Variants in PTPRN2 observed in about 807,000 individuals in gnomAD.
PTPRN2 encodes the protein protein tyrosine phosphatase receptor type N2.
In PTPRN2, 74 loss-of-function variants were observed where a neutral mutation model predicts 118.8. The ratio of observed to expected loss-of-function variants is 0.62; its 90% CI spans 0.52 to 0.76. The LOEUF (loss-of-function observed/expected upper bound fraction) is 0.76. Ranked by LOEUF, PTPRN2 falls within the 30% of genes least tolerant of loss-of-function variation. The pLI, the probability that PTPRN2 is intolerant of heterozygous loss-of-function variation, is 0.00. For synonymous variants in PTPRN2, 641 were observed against 608.0 expected, an observed-to-expected ratio of 1.05 and a Z score of -0.80; for missense variants, 1,481 against 1,394.4, an observed-to-expected ratio of 1.06 and a Z score of -0.99.
chr7:157,998,628 T>C (rs369190732), intron 11 of PTPRN2, among the ~76,000 whole-genome samples: 387 of 152,098 alleles, frequency 2.5e-3, no homozygotes, highest in South Asian at 7.9e-3. Flanking sequence ...ATCGAGACCA[T>C]CCTGGCCAAC....
At chr7:157,965,099 G>A (rs1801827136) in intron 11 of PTPRN2, among the ~76,000 whole-genome samples, 1 of 152,174 alleles carries the variant, frequency 6.6e-6, no homozygotes, top group South Asian at 2.1e-4. Flanking sequence ...TCTCCAGACA[G>A]GGACCTGAAA....
chr7:158,267,605 G>A (rs1337960293), intron 3 of PTPRN2, among the ~76,000 whole-genome samples: 1 of 152,166 alleles, frequency 6.6e-6, no homozygotes, highest in Non-Finnish European at 1.5e-5. Flanking sequence ...GGATCACCGT[G>A]GCCTGGGGGC....
At chr7:157,659,222 ACTCT>A (rs1795757760) in intron 13 of PTPRN2, among the ~76,000 whole-genome samples, 2 of 145,684 alleles carry the variant, frequency 1.4e-5, no homozygotes, top group African/African-American at 5.2e-5. Context: ...TGCGGCCCCC[ACTCT>A]CCAGGAGCCT....
intron 3 of PTPRN2, among the ~76,000 whole-genome samples, chr7:158,226,478 T>A (rs1828787350): frequency 6.6e-6 from 1 of 151,944 alleles, no homozygotes; most frequent in Admixed American, 6.6e-5. Flanking sequence ...GCAGAGGAGA[T>A]CCCCGTGGGA....
intron 12 of PTPRN2, among the ~76,000 whole-genome samples, chr7:157,878,646 T>C (rs1286267118): frequency 6.9e-5 from 8 of 115,418 alleles, no homozygotes; most frequent in South Asian, 3.2e-4. Flanking sequence ...GCTTACTCAC[T>C]GAGGAGCTCT....
intron 19 of PTPRN2, chr7:157,574,195 T>G (rs1799899386): frequency 3.5e-6 from 1 of 285,510 alleles, no homozygotes; most frequent in African/African-American, 2.1e-5. Context: ...AGGAATTCAC[T>G]GAGAAAGAAC....
At position 158,483,024 on chromosome 7, in the gene PTPRN2, A is replaced by G. The variant is rs1820753919; in HGVS notation, c.163+6711T>C. The stretch of plus-strand genomic sequence containing the variant: ...TATCTCCGAAGACACAGAAGCAGCT[A>G]GAAGACTCCAGACAGGCCTTGCTGA... On this transcript the variant is annotated intron_variant, in intron 2 of 22. Transcript: ENST00000389418. 2.0e-5 allele frequency among the ~76,000 whole-genome samples: 3 copies of G among 152,244 alleles called. No individual in the cohort carries two copies. In the South Asian group the frequency reaches 6.2e-4, roughly 32 times the overall value.
At chr7:158,010,816 C>A (rs568352048) in intron 11 of PTPRN2, among the ~76,000 whole-genome samples, 2 of 152,270 alleles carry the variant, frequency 1.3e-5, no homozygotes, top group East Asian at 1.9e-4. Context: ...GACTAAGACT[C>A]CTCCTTTAAA....
At chr7:157,682,638 A>C in intron 13 of PTPRN2, 87 bp downstream of exon 13, 1 of 1,311,146 alleles carries the variant, frequency 7.6e-7, no homozygotes, top group Non-Finnish European at 1.1e-6. Flanking sequence ...ACTGCTGGGA[A>C]TGGAGGAGGG....
rs574708468 is a variant in PTPRN2 at position 158,146,032 on chromosome 7, G to A, written c.911-7517C>T. Among the ~76,000 whole-genome samples the A allele has an allele frequency of 5.3e-5, 8 of 151,044 alleles. No homozygotes were observed. In the Admixed American group the frequency reaches 5.3e-4, roughly 10 times the overall value. On this transcript the variant is annotated intron_variant, in intron 6 of 22. Transcript: ENST00000389418. ...AACTATTATCATGAAACAAGGAGAG[G>A]ATGAGAAATCATTTTAGTTTTCCAC...
chr7:157,646,578 G>A (rs749918338), intron 14 of PTPRN2, among the ~76,000 whole-genome samples: 3 of 152,100 alleles, frequency 2.0e-5, no homozygotes, highest in East Asian at 1.9e-4. Flanking sequence ...TAATGAACCC[G>A]GGTCTAATTA....
intron 13 of PTPRN2, among the ~76,000 whole-genome samples, chr7:157,656,852 ACACACAC>A (rs1256357419): frequency 6.5e-5 from 8 of 122,516 alleles, no homozygotes; most frequent in Non-Finnish European, 7.6e-5. Flanking sequence ...CACCACACAC[ACACACAC>A]ATCACACATA....
intron 15 of PTPRN2, among the ~76,000 whole-genome samples, chr7:157,607,280 C>T (rs1278213815): frequency 6.6e-6 from 1 of 152,256 alleles, no homozygotes; most frequent in Non-Finnish European, 1.5e-5. Context: ...CACACAGACA[C>T]CGCAGCCAGA....
chr7:158,292,825 T>A (rs1800210044), intron 3 of PTPRN2, among the ~76,000 whole-genome samples: 1 of 152,180 alleles, frequency 6.6e-6, no homozygotes, highest in African/African-American at 2.4e-5. Context: ...CCCAGCACTT[T>A]GGGAGGTCAA....
At chr7:158,176,999 G>A (rs1459332573) in intron 5 of PTPRN2, among the ~76,000 whole-genome samples, 1 of 152,190 alleles carries the variant, frequency 6.6e-6, no homozygotes, top group African/African-American at 2.4e-5. Context: ...AGGGGAAGGT[G>A]GGCTTGTTGA....
intron 4 of PTPRN2, among the ~76,000 whole-genome samples, chr7:158,202,273 G>C (rs953045563): frequency 1.3e-5 from 2 of 152,174 alleles, no homozygotes; most frequent in Non-Finnish European, 2.9e-5. Context: ...AAATACTGTG[G>C]GCAACTGTTG....
Position 157,794,623 on chromosome 7 carries a change from A to C in PTPRN2, c.1788+104050T>G, listed in dbSNP as rs1161704870. 6.6e-6 allele frequency among the ~76,000 whole-genome samples: 1 copy of C among 152,200 alleles called. No homozygotes were observed. The highest frequency in any genetic ancestry group is 1.9e-4 in the East Asian group (1 of 5,192). On this transcript the variant is annotated intron_variant, in intron 12 of 22. Coordinates refer to ENST00000389418, the MANE Select transcript of PTPRN2 (RefSeq NM_002847.5). This position sits in a 1 kb window ranked among gnomAD's most constrained non-coding sequence, Gnocchi z 5.2. ...TCATCGCCTCTGTGAACACCCACTA[A>C]AACCGTAAGTGGGAAAAGTGGGTGC...
rs1802334180 is a variant in PTPRN2 at position 157,764,541 on chromosome 7, G to GA, written c.1789-81605dup. ...TCCTTAGAGTCATCAGATCCATAGA[G>GA]ACAGAATGTAGGACAGTGGGTCCTG... On this transcript the variant is annotated intron_variant, in intron 12 of 22. Transcript: ENST00000389418. This position sits in a 1 kb window ranked among gnomAD's most constrained non-coding sequence, Gnocchi z 4.5. Among the ~76,000 whole-genome samples, 1 of 152,286 alleles carries GA rather than the reference G, an allele frequency of 6.6e-6. No individual in the cohort carries two copies. Among genetic ancestry groups the GA allele is most frequent in the East Asian group, 1.9e-4 (1 of 5,176 alleles).
chr7:158,098,421 G>A (rs1247458822), intron 10 of PTPRN2, among the ~76,000 whole-genome samples: 5 of 152,202 alleles, frequency 3.3e-5, no homozygotes, highest in Admixed American at 1.3e-4. Context: ...GTCCTAAGGC[G>A]GGAGATGCCC....
Sources: gnomAD v4.1 joint callset for allele counts (sites outside exome capture counted in the v4.1 genomes callset) on GRCh38, gnomAD v4.1.1 for gene constraint, Gnocchi (gnomAD v3.1) non-coding constraint, MANE v1.5 for transcripts, NCBI Gene and HGNC (gene_info 2026-07-23, HGNC 2026-07-21) for gene names.